BTBD9: variants seen among roughly 807,000 people sequenced by gnomAD.
BTBD9 encodes BTB/POZ domain-containing protein 9.
A neutral mutation model predicts 64.3 loss-of-function variants in BTBD9; 49 were observed. That is an observed-to-expected ratio of 0.76 (90% confidence interval 0.61 to 0.97). The LOEUF (loss-of-function observed/expected upper bound fraction) is 0.97. Ranked by LOEUF, BTBD9 falls within the 50% of genes least tolerant of loss-of-function variation. The pLI is 0.00. For missense variants in BTBD9, 598 were observed against 762.1 expected (o/e 0.78, Z 2.53); for synonymous variants, 260 against 274.7 (o/e 0.95, Z 0.53).
intron 6 of BTBD9, among the ~76,000 whole-genome samples, chr6:38,516,627 T>C (rs1282882041): frequency 6.6e-6 from 1 of 152,218 alleles, no homozygotes; most frequent in Non-Finnish European, 1.5e-5. Flanking sequence ...ATGATGACAC[T>C]GAAGCAGGAA....
At chr6:38,443,384 T>G (rs548994652) in intron 6 of BTBD9, among the ~76,000 whole-genome samples, 31 of 152,342 alleles carry the variant, frequency 2.0e-4, no homozygotes, top group African/African-American at 6.5e-4. Context: ...ATCACCTAAC[T>G]GTTCACTTGT....
Position 38,551,814 on chromosome 6 carries a change from C to T in BTBD9, c.1154+25786G>A, listed in dbSNP as rs573316283. ...TTTAGGATCACAGCAATGTGGAGAA[C>T]GGATTAGAAAAGTGTAAAGAGACCT... On this transcript the variant is annotated intron_variant, in intron 6 of 10. Coordinates refer to ENST00000481247, the MANE Select transcript of BTBD9 (RefSeq NM_001099272.2). Among the ~76,000 whole-genome samples, 11 of 152,166 alleles carry T rather than the reference C, an allele frequency of 7.2e-5. No homozygotes were observed. The East Asian group carries it at 9.6e-4, about 13-fold the overall frequency.
At chr6:38,430,817 T>A (rs948445191) in intron 6 of BTBD9, among the ~76,000 whole-genome samples, 3 of 151,942 alleles carry the variant, frequency 2.0e-5, no homozygotes, top group African/African-American at 7.3e-5. Flanking sequence ...AATAGGATTT[T>A]CATTCCCATC....
intron 6 of BTBD9, among the ~76,000 whole-genome samples, chr6:38,541,594 C>T (rs1774280617): frequency 6.6e-6 from 1 of 152,126 alleles, no homozygotes; most frequent in African/African-American, 2.4e-5. Context: ...AAAAATTAGC[C>T]GGGCATGGTG....
chr6:38,401,312 C>A (rs1183970213), intron 6 of BTBD9, among the ~76,000 whole-genome samples: 1 of 152,218 alleles, frequency 6.6e-6, no homozygotes, highest in African/African-American at 2.4e-5. Context: ...TCTTTGCCTT[C>A]TGCCATAATT....
chr6:38,174,679 C>T lies in BTBD9; in HGVS notation c.*306G>A. On this transcript the variant is annotated 3_prime_UTR_variant, in exon 11 of 11. Coordinates refer to ENST00000481247, the MANE Select transcript of BTBD9 (RefSeq NM_001099272.2). ...TATTCCAACACAGGCCTGTCTATGACTTCCTCCTGTTCCCTGCGCCTGGGC... is the reference window on the plus strand; with the variant it reads ...TATTCCAACACAGGCCTGTCTATGATTTCCTCCTGTTCCCTGCGCCTGGGC... 1 of 380,646 alleles carries T rather than the reference C, an allele frequency of 2.6e-6. No homozygotes were observed. Among genetic ancestry groups the T allele is most frequent in the Non-Finnish European group, 4.7e-6 (1 of 211,530 alleles). 23.6% of individuals were successfully genotyped at this position (380,646 alleles called of 1,614,324 possible).
At chr6:38,412,886 A>C (rs958838002) in intron 6 of BTBD9, among the ~76,000 whole-genome samples, 49 of 142,396 alleles carry the variant, frequency 3.4e-4, no homozygotes, top group African/African-American at 1.2e-3. Flanking sequence ...AACAACAACA[A>C]AACAGTCGGA....
At chr6:38,279,893 T>G (rs539801311) in intron 8 of BTBD9, among the ~76,000 whole-genome samples, 1 of 152,332 alleles carries the variant, frequency 6.6e-6, no homozygotes, top group Non-Finnish European at 1.5e-5. Flanking sequence ...GCTAAAAGGA[T>G]TCTTTTCATA....
intron 6 of BTBD9, among the ~76,000 whole-genome samples, chr6:38,452,888 C>T (rs1769620972): frequency 6.6e-6 from 1 of 152,042 alleles, no homozygotes; most frequent in Non-Finnish European, 1.5e-5. Flanking sequence ...GATACGGAAA[C>T]TGAGGAAAAG....
intron 6 of BTBD9, among the ~76,000 whole-genome samples, chr6:38,537,212 G>A (rs1157864666): frequency 6.6e-6 from 1 of 152,092 alleles, no homozygotes; most frequent in Non-Finnish European, 1.5e-5. Context: ...GGAATTATGG[G>A]GGTGCTTGAC....
At chr6:38,328,168 G>C (rs143772559) in intron 7 of BTBD9, among the ~76,000 whole-genome samples, 121 of 152,126 alleles carry the variant, frequency 8.0e-4, no homozygotes, top group African/African-American at 2.6e-3. Flanking sequence ...ATAATCTCTG[G>C]TAATCCCATA....
At chr6:38,374,314 T>TATATATATAC in intron 6 of BTBD9, among the ~76,000 whole-genome samples, 1 of 116,892 alleles carries the variant, frequency 8.6e-6, no homozygotes, top group Non-Finnish European at 1.7e-5. Flanking sequence ...TATGTATATA[T>TATATATATAC]ATATATATAT....
At chr6:38,458,935 T>C (rs1001549650) in intron 6 of BTBD9, among the ~76,000 whole-genome samples, 4 of 152,172 alleles carry the variant, frequency 2.6e-5, no homozygotes, top group Non-Finnish European at 4.4e-5. Flanking sequence ...TGACATCAAA[T>C]GTTCTATTAA....
intron 6 of BTBD9, among the ~76,000 whole-genome samples, chr6:38,524,903 G>A (rs1773419172): frequency 6.6e-6 from 1 of 152,090 alleles, no homozygotes. Flanking sequence ...ATCTGGAGTA[G>A]CTGGTAGTGT....
At chr6:38,342,353 T>C (rs1027305112) in intron 7 of BTBD9, among the ~76,000 whole-genome samples, 3 of 151,812 alleles carry the variant, frequency 2.0e-5, no homozygotes, top group Admixed American at 2.0e-4. Context: ...CTGACCAACA[T>C]GGCGAAACCC....
intron 7 of BTBD9, among the ~76,000 whole-genome samples, chr6:38,329,741 G>A (rs1763599647): frequency 6.6e-6 from 1 of 152,094 alleles, no homozygotes; most frequent in Admixed American, 6.5e-5. Context: ...GATCACTTGA[G>A]GTCAGGAGTT....
At chr6:38,503,271 G>C (rs949564101) in intron 6 of BTBD9, among the ~76,000 whole-genome samples, 3 of 151,900 alleles carry the variant, frequency 2.0e-5, no homozygotes, top group South Asian at 2.1e-4. Context: ...AAAGAGGAGG[G>C]GCAGCCTCTA....
At chr6:38,252,733 C>A (rs571960999) in intron 9 of BTBD9, among the ~76,000 whole-genome samples, 5 of 152,184 alleles carry the variant, frequency 3.3e-5, no homozygotes, top group East Asian at 3.9e-4. Flanking sequence ...ACTTTGAAAT[C>A]AAAAAAGTCC....
At chr6:38,477,614 C>G (rs74983307) in intron 6 of BTBD9, among the ~76,000 whole-genome samples, 1 of 152,152 alleles carries the variant, frequency 6.6e-6, no homozygotes, top group Non-Finnish European at 1.5e-5. Flanking sequence ...ACTGAGCTAA[C>G]GAGCAGTATC....
Sources: allele counts gnomAD v4.1 joint callset (sites outside exome capture counted in the v4.1 genomes callset), GRCh38; gene constraint gnomAD v4.1.1; transcripts MANE v1.5; gene names NCBI Gene and HGNC (gene_info 2026-07-23, HGNC 2026-07-21).